MSMO1: variants seen among roughly 807,000 people sequenced by gnomAD.
MSMO1 encodes the protein C-4 methylsterol oxidase.
In MSMO1, 18 loss-of-function variants were observed where a neutral mutation model predicts 30.4. The observed-to-expected ratio is 0.59, with a 90% CI of 0.41 to 0.88. The LOEUF is 0.88. Among genes scored for constraint, MSMO1 ranks in the 40% least tolerant of loss-of-function variants. The pLI is 0.00. For missense variants in MSMO1, 284 were observed against 340.5 expected, an observed-to-expected ratio of 0.83 and a Z score of 1.31; for synonymous variants, 84 against 107.9, an observed-to-expected ratio of 0.78 and a Z score of 1.37.
chr4:165,339,420 A>G (rs866709615), intron 4 of MSMO1, among the ~76,000 whole-genome samples: 4 of 152,086 alleles, frequency 2.6e-5, no homozygotes, highest in Admixed American at 2.6e-4. Flanking sequence ...AATTGCTTTG[A>G]TGTAGCTTTG....
At chr4:165,332,678 T>C (rs1394062400) in intron 1 of MSMO1, among the ~76,000 whole-genome samples, 2 of 152,236 alleles carry the variant, frequency 1.3e-5, no homozygotes, top group Non-Finnish European at 2.9e-5. Context: ...AGGCTAAAAG[T>C]GTCTCTTTGT....
At chr4:165,338,040 A>G in intron 3 of MSMO1, 103 bp downstream of exon 3, 1 of 1,106,932 alleles carries the variant, frequency 9.0e-7, no homozygotes, top group Admixed American at 2.0e-5. Flanking sequence ...TGTTTGTTCT[A>G]AACTTTGGAA....
At chr4:165,329,155 TG>T (rs1290586705) in intron 1 of MSMO1, among the ~76,000 whole-genome samples, 1 of 152,180 alleles carries the variant, frequency 6.6e-6, no homozygotes, top group East Asian at 1.9e-4. Context: ...AAGGCATTAT[TG>T]GGAAACTTTC....
chr4:165,332,022 C>G, intron 1 of MSMO1, among the ~76,000 whole-genome samples: 1 of 151,386 alleles, frequency 6.6e-6, no homozygotes, highest in East Asian at 1.9e-4. Flanking sequence ...TCTCCTACCC[C>G]GCCGAGCTGT....
Position 165,342,091 on chromosome 4 carries a change from C to A in MSMO1, c.*145C>A. ...ACATTAACAACCTTTAATTACCTTCCTAGTGGGAACTTTTTCTACTTTACC... is the reference window on the plus strand; with the variant it reads ...ACATTAACAACCTTTAATTACCTTCATAGTGGGAACTTTTTCTACTTTACC... On this transcript the variant is annotated 3_prime_UTR_variant, in exon 6 of 6. Coordinates refer to ENST00000261507, the MANE Select transcript of MSMO1 (RefSeq NM_006745.5). 1 of 667,930 alleles carries A rather than the reference C, an allele frequency of 1.5e-6. No homozygotes were observed. The highest frequency in any genetic ancestry group is 1.9e-5 in the South Asian group (1 of 53,468). 41.4% of individuals were successfully genotyped at this position (667,930 alleles called of 1,614,324 possible). A position where few individuals can be genotyped will look rare whatever the true frequency, so the allele number is the denominator to read the frequency against.
At chr4:165,340,620 T>G (rs1317877701) in intron 5 of MSMO1, 3 of 491,256 alleles carry the variant, frequency 6.1e-6, no homozygotes, top group Non-Finnish European at 1.1e-5. Context: ...ACCAGCAATT[T>G]CCTTATCCTT....
Position 165,333,574 on chromosome 4 carries a change from T to C in MSMO1, c.204T>C (p.Pro68=). ...CCCTTTATTTCTTATTCTGTTTACCTGGATTTTTATTTCAATTTATACCTT... is the reference window on the plus strand; with the variant it reads ...CCCTTTATTTCTTATTCTGTTTACCCGGATTTTTATTTCAATTTATACCTT... ...HEALYFLFCL[P]GFLFQFIPYM... The change falls in exon 2 of 6, where the codon CCT becomes CCC. Residue 68 remains proline (P), a synonymous_variant. Coordinates refer to ENST00000261507, the MANE Select transcript of MSMO1 (RefSeq NM_006745.5). The C allele has an allele frequency of 6.2e-7, 1 of 1,605,944 alleles. No individual in the cohort carries two copies.
At position 165,336,987 on chromosome 4, in the gene MSMO1, C is replaced by G. The variant is rs115650825; in HGVS notation, c.256-802C>G. ...GCAGTAGTTCCCGTACTTTGGATAT[C>G]GTGGTTCAATTAAAAGAGTTTTGTT... is the stretch of plus-strand genomic sequence containing the variant. On this transcript the variant is annotated intron_variant, in intron 2 of 5. Transcript: ENST00000261507. Among the ~76,000 whole-genome samples the G allele has an allele frequency of 7.0e-4, 107 of 152,226 alleles. 2 individuals are homozygous for G. In the East Asian group the frequency reaches 0.016, roughly 22 times the overall value.
At position 165,340,328 on chromosome 4, in the gene MSMO1, T is replaced by C. The variant is rs200947752; in HGVS notation, c.639T>C (p.Leu213=). The C allele has an allele frequency of 6.8e-6, 11 of 1,613,994 alleles. No homozygotes were observed. The Admixed American group carries it at 1.3e-4, about 20-fold the overall frequency. The change falls in exon 5 of 6, where the codon CTT becomes CTC. Residue 213 remains leucine (L), a synonymous_variant. Transcript: ENST00000261507. ...TTTTGTGTGATCATGTAATTCTTCT[T>C]TGGGCATGGGTGACCATTCGTTTAT... ...IVLLCDHVIL[L]WAWVTIRLLE...
chr4:165,333,087 GT>G (rs1402829554), intron 1 of MSMO1, among the ~76,000 whole-genome samples: 4 of 151,930 alleles, frequency 2.6e-5, no homozygotes, highest in Non-Finnish European at 5.9e-5. Context: ...TTCCCCTATT[GT>G]TCTTTTAGCT....
chr4:165,333,437 C>T lies in MSMO1; in HGVS notation c.67C>T (p.Leu23Phe), dbSNP rs767747197. Residue 23 changes from leucine to phenylalanine, a missense_variant, in exon 2 of 6, where the codon CTT (leucine) becomes TTT (phenylalanine). Physicochemically the swap from Leu to Phe is conservative, Grantham distance 22. Transcript: ENST00000261507. ...CTTGGCTGTGGAATATGTAGATTCA[C>T]TTTTACCTGAGAATCCTCTGCAAGA... ...ASLAVEYVDS[L>F]LPENPLQEPF... 4 of 1,612,132 alleles carry T rather than the reference C, an allele frequency of 2.5e-6. No individual in the cohort carries two copies. In the African/African-American group the frequency reaches 5.3e-5, roughly 22 times the overall value.
chr4:165,332,026 G>C, intron 1 of MSMO1, among the ~76,000 whole-genome samples: 1 of 150,236 alleles, frequency 6.7e-6, no homozygotes, highest in East Asian at 1.9e-4. Flanking sequence ...CTACCCCGCC[G>C]AGCTGTCTTC....
At position 165,338,779 on chromosome 4, in the gene MSMO1, G is replaced by T. The variant is rs1747633554; in HGVS notation, c.531+1G>T. Reference sequence around the variant, plus strand: ...TCATAAAGTTCATCATGAGTTTCAGGTATGTGAGAGTTATATTTAATTCTT... The same window carrying T: ...TCATAAAGTTCATCATGAGTTTCAGTTATGTGAGAGTTATATTTAATTCTT... On this transcript the variant is annotated splice_donor_variant, in intron 4 of 5. Coordinates refer to ENST00000261507, the MANE Select transcript of MSMO1 (RefSeq NM_006745.5). LOFTEE classifies it high-confidence loss of function. 1 of 1,580,368 alleles carries T rather than the reference G, an allele frequency of 6.3e-7. No homozygotes were observed. The highest frequency in any genetic ancestry group is 1.4e-5 in the African/African-American group (1 of 74,034).
At chr4:165,336,458 A>G (rs1035527091) in intron 2 of MSMO1, among the ~76,000 whole-genome samples, 5 of 152,184 alleles carry the variant, frequency 3.3e-5, no homozygotes, top group African/African-American at 1.2e-4. Flanking sequence ...TATACTGTAA[A>G]TGGTATAGCA....
chr4:165,337,401 A>T (rs2126624465), intron 2 of MSMO1, among the ~76,000 whole-genome samples: 1 of 152,340 alleles, frequency 6.6e-6, no homozygotes, highest in Non-Finnish European at 1.5e-5. Context: ...ACTGTGTAAA[A>T]GGCTTCCAAT....
At chr4:165,335,243 T>C (rs1400890211) in intron 2 of MSMO1, among the ~76,000 whole-genome samples, 3 of 152,172 alleles carry the variant, frequency 2.0e-5, no homozygotes, top group Non-Finnish European at 4.4e-5. Context: ...ATTCTGTTAG[T>C]TTCACAGCCT....
intron 1 of MSMO1, 33 bp from the exon 2 acceptor site, chr4:165,333,303 ATTGT>A: frequency 6.6e-7 from 1 of 1,508,492 alleles, no homozygotes; most frequent in Non-Finnish European, 9.1e-7. Flanking sequence ...TTGAAAGCTC[ATTGT>A]TTAACTTATT....
At chr4:165,339,096 C>CTTTTTTTTTTTTTTTTTTTTTTT (rs869192459) in intron 4 of MSMO1, among the ~76,000 whole-genome samples, 1 of 60,522 alleles carries the variant, frequency 1.7e-5, no homozygotes, top group Non-Finnish European at 2.7e-5. Flanking sequence ...ATGAGCACTG[C>CTTTTTTTTTTTTTTTTTTTTTTT]TTTTTTTTTT....
intron 4 of MSMO1, 36 bp downstream of exon 4, chr4:165,338,814 G>A: frequency 1.3e-6 from 2 of 1,526,366 alleles, no homozygotes; most frequent in Non-Finnish European, 1.8e-6. Context: ...TTCTGTTAGA[G>A]GCAAAATGTC....
Sources: gnomAD v4.1 joint callset for allele counts (sites outside exome capture counted in the v4.1 genomes callset) on GRCh38, gnomAD v4.1.1 for gene constraint, MANE v1.5 for transcripts, NCBI Gene and HGNC (gene_info 2026-07-23, HGNC 2026-07-21) for gene names.